Variants in NHS observed in about 807,000 individuals in gnomAD.
The protein encoded by NHS is actin remodeling regulator NHS.
A neutral mutation model predicts 72.5 loss-of-function variants in NHS; 5 were observed. That is an observed-to-expected ratio of 0.07 (90% CI 0.04 to 0.14). The LOEUF (loss-of-function observed/expected upper bound fraction) is 0.14, where lower values mean the gene tolerates loss of function less well. NHS is among the 10% of genes least tolerant of loss of function. The probability of loss-of-function intolerance (pLI) is 1.00; values close to 1 mark genes in which losing one functional copy is unlikely to be tolerated. For synonymous variants in NHS, 464 were observed against 547.7 expected (o/e 0.85, Z 2.13); for missense variants, 1,072 against 1,355.7 (o/e 0.79, Z 3.29).
intron 3 of NHS, among the ~76,000 whole-genome samples, chrX:17,704,393 C>T (rs974865646): frequency 6.3e-5 from 7 of 110,911 alleles, no homozygotes; most frequent in African/African-American, 9.8e-5. Context: ...CTCTGCCTCC[C>T]GGGTTCATGC....
intron 1 of NHS, among the ~76,000 whole-genome samples, chrX:17,469,537 C>T (rs1044537982): frequency 1.8e-5 from 2 of 111,953 alleles, no homozygotes; most frequent in African/African-American, 6.5e-5. Flanking sequence ...GAGAGGCGAG[C>T]TTGTGTGGGG....
chrX:17,714,714 A>G (rs771023140), intron 3 of NHS, among the ~76,000 whole-genome samples: 3 of 112,179 alleles, frequency 2.7e-5, no homozygotes, highest in Non-Finnish European at 5.6e-5. Flanking sequence ...CTTTCTCTGA[A>G]TAAGCAACGA....
At chrX:17,675,929 A>G (rs116634939) in intron 1 of NHS, among the ~76,000 whole-genome samples, 1,513 of 112,055 alleles carry the variant, frequency 0.014, 24 homozygotes, top group African/African-American at 0.045. Context: ...AAGTAAGTGT[A>G]GTGGAGGTGG....
intron 1 of NHS, among the ~76,000 whole-genome samples, chrX:17,447,959 A>C (rs1354209186): frequency 8.9e-6 from 1 of 111,742 alleles, no homozygotes; most frequent in African/African-American, 3.3e-5. Context: ...GTTACTGGCC[A>C]TCCTGGGATT....
intron 1 of NHS, among the ~76,000 whole-genome samples, chrX:17,425,217 T>C (rs2064645827): frequency 9.0e-6 from 1 of 111,492 alleles, no homozygotes; most frequent in Non-Finnish European, 1.9e-5. Context: ...AATGGCAGAG[T>C]TCATTCTGAT....
intron 1 of NHS, among the ~76,000 whole-genome samples, chrX:17,574,445 G>T (rs2065498867): frequency 8.9e-6 from 1 of 112,319 alleles, no homozygotes; most frequent in Non-Finnish European, 1.9e-5. Context: ...AGTGTCCCAG[G>T]TCTATCTCAG....
intron 1 of NHS, among the ~76,000 whole-genome samples, chrX:17,396,845 T>C (rs1253583149): frequency 1.8e-5 from 2 of 111,433 alleles, no homozygotes; most frequent in Non-Finnish European, 3.8e-5. Context: ...ACTCAAAAGA[T>C]CATCAGGCAT....
At chrX:17,406,134 T>C (rs1468063941) in intron 1 of NHS, among the ~76,000 whole-genome samples, 1 of 112,034 alleles carries the variant, frequency 8.9e-6, no homozygotes, top group Non-Finnish European at 1.9e-5. Context: ...CCACACCTTA[T>C]CTCATTTCAT....
rs201390452 is a variant in NHS at position 17,719,136 on chromosome X, A to AAAGG, written c.853-201_853-198dup. 6.4e-3 allele frequency: 2,089 copies of AAAGG among 328,597 alleles called. 60 individuals are homozygous for AAAGG. Among genetic ancestry groups the AAAGG allele is most frequent in the African/African-American group, 0.054 (1,863 of 34,669 alleles). 27.1% of individuals were successfully genotyped at this position (328,597 alleles called of 1,213,427 possible). On this transcript the variant is annotated intron_variant, in intron 3 of 8. Transcript: ENST00000676302. Reference sequence around the variant, plus strand: ...GAAAGAAGGAAGAAATAAGGAGAAGAAAGGAAGGAATAATAAGGAGAAGGA... The same window carrying AAAGG: ...GAAAGAAGGAAGAAATAAGGAGAAGAAAGGAAGGAAGGAATAATAAGGAGAAGGA...
intron 1 of NHS, among the ~76,000 whole-genome samples, chrX:17,383,583 G>A (rs1411384754): frequency 1.8e-5 from 2 of 112,250 alleles, no homozygotes; most frequent in African/African-American, 6.5e-5. Flanking sequence ...GGTGGCAGGA[G>A]AGAGAGCAAG....
intron 1 of NHS, among the ~76,000 whole-genome samples, chrX:17,655,685 T>C (rs754410863): frequency 8.9e-6 from 1 of 112,659 alleles, no homozygotes; most frequent in Admixed American, 9.3e-5. Context: ...GAGCTGTAAA[T>C]CGAAGCTGTC....
intron 1 of NHS, among the ~76,000 whole-genome samples, chrX:17,556,650 G>C (rs59413911): frequency 0.14 from 15,812 of 112,278 alleles, 2,368 homozygotes; most frequent in African/African-American, 0.45. Context: ...TGTACTGGTA[G>C]GAAGTGGCAG....
intron 1 of NHS, among the ~76,000 whole-genome samples, chrX:17,480,020 T>C (rs959143967): frequency 8.9e-6 from 1 of 111,732 alleles, no homozygotes. Context: ...GTTTGGACTC[T>C]CATTTGCAAT....
chrX:17,470,666 C>T (rs2064888759), intron 1 of NHS, among the ~76,000 whole-genome samples: 1 of 111,216 alleles, frequency 9.0e-6, no homozygotes, highest in African/African-American at 3.3e-5. Flanking sequence ...TGCCACAGGT[C>T]CTTTGCACTT....
At chrX:17,389,412 T>C (rs1279411380) in intron 1 of NHS, among the ~76,000 whole-genome samples, 1 of 111,194 alleles carries the variant, frequency 9.0e-6, no homozygotes, top group African/African-American at 3.3e-5. Context: ...ATTCCATTTA[T>C]AAGATATCCA....
At chrX:17,472,709 C>A (rs930400131) in intron 1 of NHS, among the ~76,000 whole-genome samples, 1 of 111,966 alleles carries the variant, frequency 8.9e-6, no homozygotes, top group Non-Finnish European at 1.9e-5. Context: ...TCCAGACCAC[C>A]ATAGACTCAG....
At chrX:17,566,882 C>G (rs1174695702) in intron 1 of NHS, among the ~76,000 whole-genome samples, 1 of 110,897 alleles carries the variant, frequency 9.0e-6, no homozygotes. Flanking sequence ...TCTGTCCACC[C>G]CATTTAACCT....
intron 1 of NHS, among the ~76,000 whole-genome samples, chrX:17,492,383 C>T (rs1401161449): frequency 1.8e-5 from 2 of 111,963 alleles, no homozygotes; most frequent in East Asian, 2.8e-4. Flanking sequence ...GCCTTAATTT[C>T]GTTATTTACC....
At chrX:17,470,664 GT>G (rs1240095451) in intron 1 of NHS, among the ~76,000 whole-genome samples, 1 of 110,861 alleles carries the variant, frequency 9.0e-6, no homozygotes, top group Non-Finnish European at 1.9e-5. Flanking sequence ...TATGCCACAG[GT>G]CCTTTGCACT....
Sources: gnomAD v4.1 joint callset for allele counts (sites outside exome capture counted in the v4.1 genomes callset) on GRCh38, gnomAD v4.1.1 for gene constraint, MANE v1.5 for transcripts, NCBI Gene and HGNC (gene_info 2026-07-23, HGNC 2026-07-21) for gene names.